The following CILP2 variants were observed in gnomAD, a reference collection of about 807,000 sequenced individuals.
CILP2 encodes cartilage intermediate layer protein 2, also known as CILP-2.
Under a neutral mutation model 45.6 loss-of-function variants are expected in CILP2, and 38 were observed. That is an observed-to-expected ratio of 0.83 (90% CI 0.64 to 1.09). The LOEUF is 1.09. CILP2 is among the 50% of genes least tolerant of loss of function. CILP2 has a pLI of 0.00. For synonymous variants in CILP2, 780 were observed against 723.5 expected (o/e 1.08, Z -1.25); for missense variants, 1,735 against 1,662.2 (o/e 1.04, Z -0.76).
In CILP2 at chr19:19,543,831, G is replaced by A. The variant is rs770410494; in HGVS notation, c.1286G>A (p.Arg429His). The change falls in exon 8 of 8, where the codon CGC (arginine) becomes CAC (histidine). Residue 429 changes from arginine to histidine, a missense_variant. By Grantham distance (29) the Arg-to-His change is conservative. Transcript: ENST00000291495. ...RCPSLAGSSP[R>H]CGDASSRCCS... The stretch of plus-strand genomic sequence containing the variant: ...CCCAGCCTGGCAGGCTCCAGCCCCC[G>A]CTGCGGGGACGCCAGCTCCCGCTGC... 9 of 1,613,686 alleles carry A rather than the reference G, an allele frequency of 5.6e-6. No individual in the cohort carries two copies. Among genetic ancestry groups the A allele is most frequent in the Admixed American group, 3.3e-5 (2 of 59,990 alleles).
intron 1 of CILP2, 59 bp from the exon 2 acceptor site, chr19:19,539,620 G>A: frequency 7.9e-7 from 1 of 1,265,476 alleles, no homozygotes; most frequent in Admixed American, 2.5e-5. Context: ...CTAAAAGGAG[G>A]CTCCCAGCGG....
rs1332070607 is a variant in CILP2 at position 19,545,573 on chromosome 19, G to A, written c.3028G>A (p.Val1010Met). Residue 1010 changes from valine (V) to methionine (M), a missense_variant, in exon 8 of 8, where the codon GTG becomes ATG. By Grantham distance (21) the Val-to-Met change is conservative (BLOSUM62 1). Transcript: ENST00000291495. ...CCAGCGGCAGGTGGACAGGACGCTG[G>A]TGACCATTATGCCCCAGGGCAGCTG... is the stretch of plus-strand genomic sequence containing the variant. ...FDQRQVDRTL[V>M]TIMPQGSCRR... 14 of 1,611,418 alleles carry A rather than the reference G, an allele frequency of 8.7e-6. No homozygotes were observed. The highest frequency in any genetic ancestry group is 1.1e-5 in the Non-Finnish European group (13 of 1,179,326).
At position 19,543,975 on chromosome 19, in the gene CILP2, GC is replaced by G. The variant is rs2061253705; in HGVS notation, c.1432del (p.Arg478ValfsTer45). On this transcript the variant is annotated frameshift_variant, in exon 8 of 8. Coordinates refer to ENST00000291495, the MANE Select transcript of CILP2 (RefSeq NM_153221.2). LOFTEE classifies it low-confidence loss of function (END_TRUNC). ...CTGCCCCCTCGGGGGCTGGTCCGGG[GC>G]CGTGTTGTGGCTGCTGACTCCGGGG... ...KCLPPRGLVR[G>X]RVVAADSGEP... The G allele has an allele frequency of 2.5e-6, 4 of 1,613,494 alleles. No homozygotes were observed. Among genetic ancestry groups the G allele is most frequent in the Non-Finnish European group, 3.4e-6 (4 of 1,179,814 alleles).
rs776388468 is a variant in CILP2 at position 19,545,040 on chromosome 19, T to C, written c.2495T>C (p.Val832Ala). ...PSLPRPLPAT[V>A]GVTQPYLDRL... ...TTGCCCCGCCCACTCCCGGCCACCG[T>C]GGGCGTCACCCAGCCCTACCTGGAC... is the stretch of plus-strand genomic sequence containing the variant. Residue 832 changes from valine (V) to alanine (A), a missense_variant, in exon 8 of 8, where the codon GTG becomes GCG. Val to Ala is a moderately conservative substitution (Grantham distance 64). Transcript: ENST00000291495. 6.2e-7 allele frequency: 1 copy of C among 1,608,130 alleles called. No individual in the cohort carries two copies.
chr19:19,542,743 C>A, intron 5 of CILP2, 93 bp downstream of exon 5: 1 of 1,587,394 alleles, frequency 6.3e-7, no homozygotes, highest in Non-Finnish European at 8.6e-7. Flanking sequence ...TGAGATGTGA[C>A]ACAGTCATTG....
At chr19:19,542,727 A>G in intron 5 of CILP2, 77 bp downstream of exon 5, 1 of 1,593,662 alleles carries the variant, frequency 6.3e-7, no homozygotes, top group Non-Finnish European at 8.6e-7. Flanking sequence ...TCAAGAGAGG[A>G]AGAAATGAGA....
At chr19:19,540,997 G>C in intron 3 of CILP2, 94 bp from the exon 4 acceptor site, 1 of 1,120,112 alleles carries the variant, frequency 8.9e-7, no homozygotes, top group Non-Finnish European at 1.1e-6. Flanking sequence ...ATATGTGAGG[G>C]GGTTGGGGAA....
Position 19,542,573 on chromosome 19 carries a change from A to G in CILP2, c.791A>G (p.Asp264Gly), listed in dbSNP as rs1487249796. 3.1e-6 allele frequency: 5 copies of G among 1,613,806 alleles called. No individual in the cohort carries two copies. The African/African-American group carries it at 4.0e-5, about 13-fold the overall frequency. ...CGCGCCAACATCAGGGCCCAGATGG[A>G]TGGCTTCTCTGCAGGGGAGGCCCAG... ...DSRANIRAQM[D>G]GFSAGEAQAQ... Residue 264 changes from aspartate (D) to glycine (G), a missense_variant, in exon 5 of 8, where the codon GAT becomes GGT. Physicochemically the swap from Asp to Gly is moderately conservative, Grantham distance 94. Coordinates refer to ENST00000291495, the MANE Select transcript of CILP2 (RefSeq NM_153221.2).
chr19:19,540,211 C>T lies in CILP2; in HGVS notation c.171C>T (p.Ser57=), dbSNP rs772403645. The change falls in exon 3 of 8, where the codon AGC becomes AGT. Residue 57 remains serine, a synonymous_variant. Transcript: ENST00000291495. ...CGCGTGCGGTGCCCGCAGAGGCCAG[C>T]GAGTGGACGTCCTGGTTCAACGTGG... ...SPALEDWEEA[S]EWTSWFNVDH... is the part of the protein sequence containing the mutation. 3 of 1,589,554 alleles carry T rather than the reference C, an allele frequency of 1.9e-6. No homozygotes were observed. The highest frequency in any genetic ancestry group is 1.7e-4 in the Middle Eastern group (1 of 6,000).
chr19:19,546,078 C>T lies in CILP2; in HGVS notation c.*62C>T, dbSNP rs2061264635. ...ACTCCTTTGACCCCAGGAAGTTTTG[C>T]CCCTCCTTCTTCTCCAGACAGCCCC... On this transcript the variant is annotated 3_prime_UTR_variant, in exon 8 of 8. Transcript: ENST00000291495. 5.3e-6 allele frequency: 7 copies of T among 1,333,210 alleles called. No homozygotes were observed. The highest frequency in any genetic ancestry group is 1.5e-5 in the African/African-American group (1 of 67,546). The allele number at this position is 1,333,210 out of a possible 1,614,324, so 82.6% of individuals were successfully genotyped here.
rs771169817 is a variant in CILP2 at position 19,544,261 on chromosome 19, G to A, written c.1716G>A (p.Leu572=). 32 of 1,613,690 alleles carry A rather than the reference G, an allele frequency of 2.0e-5. No individual in the cohort carries two copies. In the South Asian group the frequency reaches 3.5e-4, roughly 18 times the overall value. Residue 572 remains leucine (L), a synonymous_variant, in exon 8 of 8, where the codon CTG becomes CTA. Transcript: ENST00000291495. The part of the protein sequence containing the change: ...LHTSQSNTIP[L]GELEDEAPLG... ...CCAGCCAGAGCAACACGATCCCCCT[G>A]GGCGAGCTGGAAGATGAGGCGCCCC...
chr19:19,544,187 TACC>T lies in CILP2; in HGVS notation c.1645_1647del (p.His549del). On this transcript the variant is annotated inframe_deletion, in exon 8 of 8. Coordinates refer to ENST00000291495, the MANE Select transcript of CILP2 (RefSeq NM_153221.2). Reference sequence around the variant, plus strand: ...TTTTGATCCTCGAGGTGCCGGCGTGTACCACGAGGTCAAGGCCATGCGGAAGAA... The same window carrying T: ...TTTTGATCCTCGAGGTGCCGGCGTGTACGAGGTCAAGGCCATGCGGAAGAA... 6.2e-7 allele frequency: 1 copy of T among 1,613,794 alleles called. No individual in the cohort carries two copies. The highest frequency in any genetic ancestry group is 8.5e-7 in the Non-Finnish European group (1 of 1,179,844).
chr19:19,545,999 G>A lies in CILP2; in HGVS notation c.3454G>A (p.Gly1152Ser). ...CTCAGGTCCCCTCCGCACCCGCCGGGGTAGGGTCCGGCAGTGACCTGGGCA... is the reference window on the plus strand; with the variant it reads ...CTCAGGTCCCCTCCGCACCCGCCGGAGTAGGGTCCGGCAGTGACCTGGGCA... ...RASGPLRTRR[G>S]RVRQ is the part of the protein sequence containing the mutation. The change falls in exon 8 of 8, where the codon GGT becomes AGT. Residue 1152 changes from glycine (G) to serine (S), a missense_variant. Transcript: ENST00000291495. The A allele has an allele frequency of 6.7e-7, 1 of 1,493,418 alleles. No individual in the cohort carries two copies. Among genetic ancestry groups the A allele is most frequent in the Non-Finnish European group, 8.9e-7 (1 of 1,122,162 alleles). 92.5% of individuals were successfully genotyped at this position (1,493,418 alleles called of 1,614,324 possible).
rs765873796 is a variant in CILP2 at position 19,538,326 on chromosome 19, T to C, written c.-24T>C. The C allele has an allele frequency of 1.9e-6, 3 of 1,568,274 alleles. No homozygotes were observed. The highest frequency in any genetic ancestry group is 4.8e-5 in the East Asian group (2 of 41,524). ...CGAGCACGCCGCGGAGCCCGGACCC[T>C]CCCTCGGACGCTCTGCCCCGGCCAT... On this transcript the variant is annotated 5_prime_UTR_variant, in exon 1 of 8. Transcript: ENST00000291495.
At position 19,545,577 on chromosome 19, in the gene CILP2, C is replaced by T; in HGVS notation, c.3032C>T (p.Thr1011Ile). 6.2e-7 allele frequency: 1 copy of T among 1,610,888 alleles called. No homozygotes were observed. Among genetic ancestry groups the T allele is most frequent in the Non-Finnish European group, 8.5e-7 (1 of 1,178,970 alleles). ...DQRQVDRTLV[T>I]IMPQGSCRRV... ...CGGCAGGTGGACAGGACGCTGGTGACCATTATGCCCCAGGGCAGCTGCCGG... is the reference window on the plus strand; with the variant it reads ...CGGCAGGTGGACAGGACGCTGGTGATCATTATGCCCCAGGGCAGCTGCCGG... The change falls in exon 8 of 8, where the codon ACC becomes ATC. Residue 1011 changes from threonine to isoleucine, a missense_variant. Thr to Ile is a moderately conservative substitution (Grantham distance 89). Transcript: ENST00000291495.
chr19:19,545,686 C>T lies in CILP2; in HGVS notation c.3141C>T (p.Ser1047=). ...CCGCGGAGGACCCAGCTGCCTTCTC[C>T]ATGCTGGCCCCCCTAGACCCTCTGG... ...PVPAEDPAAF[S]MLAPLDPLGH... The change falls in exon 8 of 8, where the codon TCC becomes TCT. Residue 1047 remains serine (S), a synonymous_variant. Transcript: ENST00000291495. The T allele has an allele frequency of 6.2e-7, 1 of 1,612,196 alleles. No individual in the cohort carries two copies. Among genetic ancestry groups the T allele is most frequent in the Non-Finnish European group, 8.5e-7 (1 of 1,179,390 alleles).
rs202214502 is a variant in CILP2 at position 19,541,175 on chromosome 19, C to T, written c.521C>T (p.Pro174Leu). 7.0e-5 allele frequency: 89 copies of T among 1,265,502 alleles called. 1 individual carries two copies. In the East Asian group the frequency reaches 8.2e-4, roughly 12 times the overall value. 78.4% of individuals were successfully genotyped at this position (1,265,502 alleles called of 1,614,324 possible). A position where few individuals can be genotyped will look rare whatever the true frequency, so the allele number is the denominator to read the frequency against. ...PGRRLRRRHC[P>L]SPAGDACPGR... ...CGTCGCTTGCGCCGCCGCCACTGCCCAAGCCCCGCTGGGGATGCGTGTCCC... is the reference window on the plus strand; with the variant it reads ...CGTCGCTTGCGCCGCCGCCACTGCCTAAGCCCCGCTGGGGATGCGTGTCCC... The change falls in exon 4 of 8, where the codon CCA becomes CTA. Residue 174 changes from proline to leucine, a missense_variant. Pro to Leu is a moderately conservative substitution (Grantham distance 98). Coordinates refer to ENST00000291495, the MANE Select transcript of CILP2 (RefSeq NM_153221.2).
At position 19,544,274 on chromosome 19, in the gene CILP2, G is replaced by A. The variant is rs781528377; in HGVS notation, c.1729G>A (p.Asp577Asn). Residue 577 changes from aspartate to asparagine, a missense_variant, in exon 8 of 8, where the codon GAT becomes AAT. Asp to Asn is a conservative substitution (Grantham distance 23). Transcript: ENST00000291495. ...SNTIPLGELEDEAPLGELVLP... is the reference protein window; with the variant it reads ...SNTIPLGELENEAPLGELVLP... ...CACGATCCCCCTGGGCGAGCTGGAA[G>A]ATGAGGCGCCCCTGGGCGAGCTGGT... 6.2e-7 allele frequency: 1 copy of A among 1,613,556 alleles called. No individual in the cohort carries two copies. Among genetic ancestry groups the A allele is most frequent in the African/African-American group, 1.3e-5 (1 of 75,044 alleles).
chr19:19,545,255 G>A lies in CILP2; in HGVS notation c.2710G>A (p.Ala904Thr), dbSNP rs2061260397. The A allele has an allele frequency of 2.5e-6, 4 of 1,612,522 alleles. No individual in the cohort carries two copies. The South Asian group carries it at 4.4e-5, about 18-fold the overall frequency. The change falls in exon 8 of 8, where the codon GCG becomes ACG. Residue 904 changes from alanine to threonine, a missense_variant. Coordinates refer to ENST00000291495, the MANE Select transcript of CILP2 (RefSeq NM_153221.2). ...CCACTTCCGCTTCGCCAGGGTGGAG[G>A]CGGACAAGTACGAGTACAACGTGGT... ...ASHFRFARVE[A>T]DKYEYNVVPF...
Sources: gnomAD v4.1 joint callset for allele counts on GRCh38, gnomAD v4.1.1 for gene constraint, MANE v1.5 for transcripts, NCBI Gene and HGNC (gene_info 2026-07-23, HGNC 2026-07-21) for gene names.